The following CRYZL1 variants were observed in gnomAD, a reference collection of about 807,000 sequenced individuals.
The protein encoded by CRYZL1 is ferry endosomal RAB5 effector complex subunit 4.
CRYZL1 carries 34 observed loss-of-function variants against 50.6 expected under a neutral mutation model. The observed-to-expected ratio is 0.67, with a 90% CI of 0.51 to 0.89. The LOEUF (loss-of-function observed/expected upper bound fraction) is 0.89, where lower values mean the gene tolerates loss of function less well. CRYZL1 is among the 40% of genes least tolerant of loss of function. The pLI is 0.00. For missense variants in CRYZL1, 354 were observed against 402.3 expected (o/e 0.88, Z 1.03); for synonymous variants, 125 against 134.3 (o/e 0.93, Z 0.48).
chr21:33,604,721 CCTT>C (rs899268108), intron 6 of CRYZL1, among the ~76,000 whole-genome samples: 3 of 152,228 alleles, frequency 2.0e-5, no homozygotes, highest in African/African-American at 7.2e-5. Flanking sequence ...ATTAAAAACA[CCTT>C]CATTTGCTTA....
intron 6 of CRYZL1, among the ~76,000 whole-genome samples, chr21:33,605,595 C>T (rs570963189): frequency 8.1e-6 from 1 of 123,148 alleles, no homozygotes; most frequent in Non-Finnish European, 1.6e-5. Context: ...GATCTTGGCT[C>T]ACTGCACCCT....
At chr21:33,612,543 C>T (rs1042191133) in intron 6 of CRYZL1, among the ~76,000 whole-genome samples, 6 of 152,186 alleles carry the variant, frequency 3.9e-5, no homozygotes, top group African/African-American at 1.2e-4. Context: ...CTCGCCTCAG[C>T]GTCCCAAAGT....
At position 33,589,834 on chromosome 21, in the gene CRYZL1, A is replaced by G. The variant is rs371455049; in HGVS notation, c.1038T>C (p.Val346=). The part of the protein sequence containing the change: ...VQKNQGRKKQ[V]VQF Reference sequence around the variant, plus strand: ...AGAAAGAAGAAAATTAAAATTGAACAACTTGCTTTTTTCTTCCTTGATTTT... The same window carrying G: ...AGAAAGAAGAAAATTAAAATTGAACGACTTGCTTTTTTCTTCCTTGATTTT... Residue 346 remains valine (V), a synonymous_variant, in exon 13 of 13, where the codon GTT becomes GTC. Coordinates refer to ENST00000381554, the MANE Select transcript of CRYZL1 (RefSeq NM_145858.3). 1 of 1,606,786 alleles carries G rather than the reference A, an allele frequency of 6.2e-7. No individual in the cohort carries two copies. The highest frequency in any genetic ancestry group is 1.7e-5 in the Admixed American group (1 of 59,940).
chr21:33,634,879 C>CT (rs1568800812), intron 1 of CRYZL1, among the ~76,000 whole-genome samples: 55 of 63,962 alleles, frequency 8.6e-4, no homozygotes, highest in Middle Eastern at 7.9e-3. Context: ...ACAACAACAA[C>CT]AATATATATA....
intron 6 of CRYZL1, 96 bp downstream of exon 6, chr21:33,613,442 C>T: frequency 2.4e-6 from 2 of 828,628 alleles, no homozygotes; most frequent in Non-Finnish European, 4.0e-6. Context: ...TTAAGTACAA[C>T]ACTTATGGTA....
intron 11 of CRYZL1, among the ~76,000 whole-genome samples, chr21:33,592,771 G>T (rs1273860712): frequency 6.6e-6 from 1 of 152,128 alleles, no homozygotes; most frequent in Non-Finnish European, 1.5e-5. Context: ...GCAAATTAGG[G>T]CTGGGTGCGG....
intron 2 of CRYZL1, among the ~76,000 whole-genome samples, chr21:33,629,066 CAA>C (rs34593721): frequency 2.7e-3 from 385 of 144,824 alleles, no homozygotes; most frequent in African/African-American, 4.4e-3. Flanking sequence ...CTGCCTCTAC[CAA>C]AAAAAAAAAA....
intron 1 of CRYZL1, among the ~76,000 whole-genome samples, chr21:33,631,891 T>G (rs1245826752): frequency 6.6e-6 from 1 of 152,194 alleles, no homozygotes; most frequent in African/African-American, 2.4e-5. Context: ...TTTATTAAAT[T>G]TTCCTTTAAT....
chr21:33,637,760 C>CATATATATATATATATATATATATAT (rs10536195), intron 1 of CRYZL1, among the ~76,000 whole-genome samples: 1 of 131,736 alleles, frequency 7.6e-6, no homozygotes, highest in African/African-American at 2.9e-5. Context: ...AAGAGAAAAA[C>CATATATATATATATATATATATATAT]ATATATATAT....
chr21:33,591,893 G>A (rs1041914529), intron 11 of CRYZL1, among the ~76,000 whole-genome samples: 1 of 151,538 alleles, frequency 6.6e-6, no homozygotes, highest in African/African-American at 2.4e-5. Flanking sequence ...ATGGGTTTGA[G>A]GTTACAGTGA....
chr21:33,618,819 C>A (rs1255862041), intron 4 of CRYZL1, among the ~76,000 whole-genome samples: 1 of 151,938 alleles, frequency 6.6e-6, no homozygotes, highest in Non-Finnish European at 1.5e-5. Flanking sequence ...CTCTTTTTTT[C>A]TTGGTTTCTT....
intron 8 of CRYZL1, among the ~76,000 whole-genome samples, chr21:33,601,916 CAAA>C (rs540305920): frequency 1.3e-4 from 8 of 59,980 alleles, no homozygotes; most frequent in Non-Finnish European, 7.0e-5. Context: ...GACCCTGTTT[CAAA>C]AAAAAAAAAA....
chr21:33,628,934 G>A (rs1017084325), intron 2 of CRYZL1, among the ~76,000 whole-genome samples: 2 of 151,846 alleles, frequency 1.3e-5, no homozygotes, highest in African/African-American at 4.8e-5. Flanking sequence ...TGTCGCTACA[G>A]AGAACTACTA....
chr21:33,639,509 G>A (rs1431088569), intron 1 of CRYZL1, among the ~76,000 whole-genome samples: 1 of 152,136 alleles, frequency 6.6e-6, no homozygotes, highest in African/African-American at 2.4e-5. Context: ...GAGGCCTCTG[G>A]TGATGAGAAT....
At position 33,608,604 on chromosome 21, in the gene CRYZL1, T is replaced by C. The variant is rs183130739; in HGVS notation, c.331+4934A>G. Among the ~76,000 whole-genome samples, 61 of 152,318 alleles carry C rather than the reference T, an allele frequency of 4.0e-4. 1 individual carries two copies. The highest frequency in any genetic ancestry group is 3.4e-3 in the Middle Eastern group (1 of 294). On this transcript the variant is annotated intron_variant, in intron 6 of 12. Transcript: ENST00000381554. ...CTATGAGTTTGTTTTAGATTCCACA[T>C]AGAAGTGAGAACATGCTGTATCTGC...
intron 1 of CRYZL1, among the ~76,000 whole-genome samples, chr21:33,634,244 T>G (rs1358302374): frequency 6.6e-6 from 1 of 152,144 alleles, no homozygotes; most frequent in African/African-American, 2.4e-5. Flanking sequence ...CAGCATTAAA[T>G]CTAACCTCCT....
intron 1 of CRYZL1, among the ~76,000 whole-genome samples, chr21:33,637,486 C>A (rs2087222536): frequency 6.6e-6 from 1 of 151,284 alleles, no homozygotes; most frequent in Non-Finnish European, 1.5e-5. Flanking sequence ...CATCCCATCA[C>A]CTTCACCTCA....
At chr21:33,589,945 TGTCAG>T in intron 12 of CRYZL1, 24 bp from the exon 13 acceptor site, 1 of 1,402,852 alleles carries the variant, frequency 7.1e-7, no homozygotes, top group Non-Finnish European at 1.0e-6. Flanking sequence ...AAATTAGAAA[TGTCAG>T]GTCTAGTTAA....
chr21:33,603,114 T>C (rs988291302), intron 7 of CRYZL1: 4 of 310,348 alleles, frequency 1.3e-5, no homozygotes, highest in African/African-American at 8.3e-5. Context: ...TTCTGGACTA[T>C]GACTTCAAAG....
Sources: gnomAD v4.1 joint callset for allele counts (sites outside exome capture counted in the v4.1 genomes callset) on GRCh38, gnomAD v4.1.1 for gene constraint, MANE v1.5 for transcripts, NCBI Gene and HGNC (gene_info 2026-07-23, HGNC 2026-07-21) for gene names.